The following SNTG2 variants were observed in gnomAD, a reference collection of about 807,000 sequenced individuals.
SNTG2 encodes the protein gamma-2-syntrophin.
SNTG2 carries 74 observed loss-of-function variants against 70.9 expected under a neutral mutation model. The observed-to-expected ratio is 1.04, with a 90% CI of 0.86 to 1.27. The LOEUF (loss-of-function observed/expected upper bound fraction) is 1.27. SNTG2 is among the 50% of genes most tolerant of loss of function. The pLI is 0.00. For missense variants in SNTG2, 717 were observed against 690.7 expected, an observed-to-expected ratio of 1.04 and a Z score of -0.43; for synonymous variants, 278 against 273.8, an observed-to-expected ratio of 1.02 and a Z score of -0.15.
intron 1 of SNTG2, chr2:1,059,163 A>G (rs575885312): frequency 6.6e-6 from 1 of 152,364 alleles, no homozygotes; most frequent in South Asian, 2.1e-4. Context: ...CCATCTGTGC[A>G]GTTTCATTTA....
rs562912523 is a variant in SNTG2 at position 987,561 on chromosome 2, G to C, written c.72+36493G>C. On this transcript the variant is annotated intron_variant, in intron 1 of 16. Coordinates refer to ENST00000308624, the MANE Select transcript of SNTG2 (RefSeq NM_018968.4). ...CCAGGGGACTCCAGCGTCTCTAGCG[G>C]CTGGAGAAAGCAAGGGAAGATTCTC... is the stretch of plus-strand genomic sequence containing the variant. Among the ~76,000 whole-genome samples, 11 of 152,260 alleles carry C rather than the reference G, an allele frequency of 7.2e-5. No homozygotes were observed. The South Asian group carries it at 2.3e-3, about 32-fold the overall frequency.
chr2:1,124,043 A>T (rs1363857787), intron 4 of SNTG2, among the ~76,000 whole-genome samples: 1 of 146,704 alleles, frequency 6.8e-6, no homozygotes, highest in African/African-American at 2.6e-5. Context: ...AATTTTTTTT[A>T]AGTTCTATTG....
At chr2:1,351,665 C>G (rs1264042974) in intron 16 of SNTG2, among the ~76,000 whole-genome samples, 1 of 152,188 alleles carries the variant, frequency 6.6e-6, no homozygotes, top group Non-Finnish European at 1.5e-5. Flanking sequence ...GCTCAACAGC[C>G]TGGGTTTGTT....
chr2:968,093 G>A (rs1660629171), intron 1 of SNTG2, among the ~76,000 whole-genome samples: 1 of 150,728 alleles, frequency 6.6e-6, no homozygotes, highest in South Asian at 2.1e-4. Flanking sequence ...ATTATTTCTT[G>A]CATAAAATTC....
At chr2:1,144,643 A>G (rs541756013) in intron 6 of SNTG2, among the ~76,000 whole-genome samples, 48 of 152,320 alleles carry the variant, frequency 3.2e-4, no homozygotes, top group Admixed American at 7.8e-4. Context: ...CACATCTTAC[A>G]TGGTGGCAGA....
intron 8 of SNTG2, among the ~76,000 whole-genome samples, chr2:1,187,840 G>A (rs768424458): frequency 6.6e-6 from 1 of 152,178 alleles, no homozygotes; most frequent in African/African-American, 2.4e-5. Flanking sequence ...TAACTGTTGA[G>A]CTATCTTTAT....
At chr2:1,264,633 A>G (rs886534599) in intron 13 of SNTG2, among the ~76,000 whole-genome samples, 1 of 152,226 alleles carries the variant, frequency 6.6e-6, no homozygotes, top group African/African-American at 2.4e-5. Flanking sequence ...ATGTAAACTT[A>G]TGGTGTCAAT....
At chr2:1,346,964 A>G (rs1485061363) in intron 16 of SNTG2, among the ~76,000 whole-genome samples, 1 of 152,204 alleles carries the variant, frequency 6.6e-6, no homozygotes, top group Non-Finnish European at 1.5e-5. Context: ...GTCATGCTGT[A>G]CCAGAGTCAG....
intron 16 of SNTG2, among the ~76,000 whole-genome samples, chr2:1,347,496 T>C (rs1183803978): frequency 2.0e-5 from 3 of 152,228 alleles, no homozygotes; most frequent in Admixed American, 2.0e-4. Flanking sequence ...CACTGGTTCT[T>C]CTTAAAGACC....
At chr2:1,054,679 C>A (rs1662278934) in intron 1 of SNTG2, among the ~76,000 whole-genome samples, 1 of 152,128 alleles carries the variant, frequency 6.6e-6, no homozygotes. Context: ...ATAATTAAGC[C>A]CCATGCTAAT....
chr2:1,015,065 C>T (rs959738393), intron 1 of SNTG2, among the ~76,000 whole-genome samples: 2 of 152,092 alleles, frequency 1.3e-5, no homozygotes, highest in East Asian at 1.9e-4. Context: ...TGGTGGACAG[C>T]GCGGGGCTGA....
Position 991,371 on chromosome 2 carries a change from T to TTACACACACACA in SNTG2, c.72+40304_72+40315dup, listed in dbSNP as rs1441783685. ...AAGGGAGCTTATAAGTTCTGTAATA[T>TTACACACACACA]TACACACACACACACACACACACAC... On this transcript the variant is annotated intron_variant, in intron 1 of 16. Coordinates refer to ENST00000308624, the MANE Select transcript of SNTG2 (RefSeq NM_018968.4). Among the ~76,000 whole-genome samples, 75 of 42,380 alleles carry TTACACACACACA rather than the reference T, an allele frequency of 1.8e-3. 1 individual carries two copies. The highest frequency in any genetic ancestry group is 0.012 in the South Asian group (18 of 1,528). 27.8% of individuals were successfully genotyped at this position (42,380 alleles called of 152,430 possible).
At chr2:1,152,274 T>C (rs896679609) in intron 6 of SNTG2, among the ~76,000 whole-genome samples, 1 of 152,228 alleles carries the variant, frequency 6.6e-6, no homozygotes, top group Non-Finnish European at 1.5e-5. Flanking sequence ...TATTATTTGA[T>C]GATAGCTGAT....
At chr2:1,230,710 G>A (rs199891242) in intron 9 of SNTG2, among the ~76,000 whole-genome samples, 15 of 152,318 alleles carry the variant, frequency 9.8e-5, no homozygotes, top group South Asian at 4.1e-4. Context: ...AGCGTGGGGC[G>A]CCAGACATTC....
chr2:1,202,465 GA>G (rs35754815), intron 8 of SNTG2, among the ~76,000 whole-genome samples: 1,733 of 149,814 alleles, frequency 0.012, 30 homozygotes, highest in African/African-American at 0.04. Context: ...AGAGGATCGT[GA>G]AAAAAAAATG....
At chr2:1,152,748 C>A (rs559612103) in intron 6 of SNTG2, among the ~76,000 whole-genome samples, 1 of 152,256 alleles carries the variant, frequency 6.6e-6, no homozygotes, top group African/African-American at 2.4e-5. Flanking sequence ...ACGTTTTGAT[C>A]TTAAGGACCC....
At chr2:1,236,002 T>G (rs1248044125) in intron 9 of SNTG2, among the ~76,000 whole-genome samples, 1 of 152,172 alleles carries the variant, frequency 6.6e-6, no homozygotes, top group Non-Finnish European at 1.5e-5. Context: ...TAATAGTCTC[T>G]GACCTCTTCA....
At chr2:1,055,637 G>T (rs1662344281) in intron 1 of SNTG2, among the ~76,000 whole-genome samples, 2 of 152,052 alleles carry the variant, frequency 1.3e-5, no homozygotes, top group Admixed American at 6.6e-5. Context: ...GTTTTAATAT[G>T]AAAATGTTAG....
chr2:1,207,593 G>A (rs4473417), intron 8 of SNTG2, among the ~76,000 whole-genome samples: 49,297 of 152,016 alleles, frequency 0.32, 8,540 homozygotes, highest in East Asian at 0.66. Flanking sequence ...AGAATGAGAA[G>A]GGGGCTTATA....
Sources: allele counts gnomAD v4.1 joint callset (sites outside exome capture counted in the v4.1 genomes callset), GRCh38; gene constraint gnomAD v4.1.1; transcripts MANE v1.5; gene names NCBI Gene and HGNC (gene_info 2026-07-23, HGNC 2026-07-21).